Variants in PEBP4 observed in about 807,000 individuals in gnomAD.
The protein encoded by PEBP4 is phosphatidylethanolamine binding protein 4.
A neutral mutation model predicts 23.9 loss-of-function variants in PEBP4; 22 were observed. The ratio of observed to expected loss-of-function variants is 0.92; its 90% confidence interval spans 0.66 to 1.31. The LOEUF (loss-of-function observed/expected upper bound fraction) is 1.31, where lower values mean the gene tolerates loss of function less well. PEBP4 is among the 40% of genes most tolerant of loss of function. The probability of loss-of-function intolerance (pLI) is 0.00; values close to 1 mark genes in which losing one functional copy is unlikely to be tolerated. For missense variants in PEBP4, 324 were observed against 281.7 expected, an observed-to-expected ratio of 1.15 and a Z score of -1.07; for synonymous variants, 112 against 99.3, an observed-to-expected ratio of 1.13 and a Z score of -0.76.
intron 3 of PEBP4, among the ~76,000 whole-genome samples, chr8:22,910,516 C>A (rs984053591): frequency 2.6e-5 from 4 of 152,208 alleles, no homozygotes; most frequent in Non-Finnish European, 5.9e-5. Context: ...GGCAGTTCTC[C>A]ATCCACCTGG....
chr8:22,892,843 A>G (rs944657845), intron 3 of PEBP4, among the ~76,000 whole-genome samples: 20 of 152,192 alleles, frequency 1.3e-4, no homozygotes, highest in African/African-American at 4.8e-4. Flanking sequence ...TCTTACAATC[A>G]CCCCAACTTA....
At chr8:22,795,040 A>G (rs970201015) in intron 4 of PEBP4, among the ~76,000 whole-genome samples, 5 of 149,290 alleles carry the variant, frequency 3.3e-5, no homozygotes, top group Non-Finnish European at 5.9e-5. Flanking sequence ...ATATATCTTA[A>G]TCTGTTTCAG....
At chr8:22,890,328 C>T (rs779714666) in intron 3 of PEBP4, among the ~76,000 whole-genome samples, 2 of 152,162 alleles carry the variant, frequency 1.3e-5, no homozygotes, top group Non-Finnish European at 2.9e-5. Context: ...TACCAAGTGG[C>T]CAGGGAATGC....
chr8:22,845,975 G>C (rs564677996), intron 3 of PEBP4, among the ~76,000 whole-genome samples: 1 of 152,232 alleles, frequency 6.6e-6, no homozygotes, highest in Non-Finnish European at 1.5e-5. Context: ...GGTTGGGCCC[G>C]CCTAGGGGAT....
At chr8:22,844,558 C>T (rs994638015) in intron 3 of PEBP4, among the ~76,000 whole-genome samples, 1 of 152,200 alleles carries the variant, frequency 6.6e-6, no homozygotes, top group East Asian at 1.9e-4. Flanking sequence ...TTTCAAGTAT[C>T]TCAATAAGGG....
intron 4 of PEBP4, among the ~76,000 whole-genome samples, chr8:22,755,570 A>G (rs1290047062): frequency 2.6e-5 from 4 of 152,088 alleles, no homozygotes; most frequent in Admixed American, 1.3e-4. Flanking sequence ...TCCTGACCTC[A>G]AGTAATCCAT....
chr8:22,813,176 A>G (rs1806668561), intron 4 of PEBP4, among the ~76,000 whole-genome samples: 1 of 152,242 alleles, frequency 6.6e-6, no homozygotes, highest in African/African-American at 2.4e-5. Context: ...TAGACAAAAT[A>G]ATGACCCTTT....
At chr8:22,717,046 C>T in intron 6 of PEBP4, among the ~76,000 whole-genome samples, 1 of 152,216 alleles carries the variant, frequency 6.6e-6, no homozygotes, top group Non-Finnish European at 1.5e-5. Context: ...CCTAGTGACA[C>T]CCCTGGATTC....
At chr8:22,810,915 A>AGAGAGAGAGAGAGAGAGAG (rs58234891) in intron 4 of PEBP4, among the ~76,000 whole-genome samples, 1 of 148,458 alleles carries the variant, frequency 6.7e-6, no homozygotes, top group African/African-American at 2.5e-5. Flanking sequence ...AGAGAGAGAG[A>AGAGAGAGAGAGAGAGAGAG]AACCTCCTAG....
In PEBP4 at chr8:22,865,105, G is replaced by A. The variant is rs191231677; in HGVS notation, c.259-47370C>T. ...ACGCCGAGCCCTGGATGCGAGGTGG[G>A]GGTAGACAGAAGGGCTGGGGCGGCC... On this transcript the variant is annotated intron_variant, in intron 3 of 6. Transcript: ENST00000256404. This position sits in a 1 kb window ranked among gnomAD's most constrained non-coding sequence, Gnocchi z 6.9. 3.5e-3 allele frequency among the ~76,000 whole-genome samples: 539 copies of A among 152,282 alleles called. 3 individuals are homozygous for A. The highest frequency in any genetic ancestry group is 5.9e-3 in the Non-Finnish European group (401 of 67,994).
At chr8:22,851,250 G>A (rs1807543007) in intron 3 of PEBP4, among the ~76,000 whole-genome samples, 1 of 152,146 alleles carries the variant, frequency 6.6e-6, no homozygotes, top group South Asian at 2.1e-4. Flanking sequence ...AGACGGATGC[G>A]AAAGACCCGG....
chr8:22,842,436 G>A (rs1024075364), intron 3 of PEBP4, among the ~76,000 whole-genome samples: 1 of 152,154 alleles, frequency 6.6e-6, no homozygotes, highest in Non-Finnish European at 1.5e-5. Flanking sequence ...GCTCTTGTGG[G>A]GCTGAAGGAG....
intron 3 of PEBP4, among the ~76,000 whole-genome samples, chr8:22,855,970 G>GGAGGCT (rs1406374049): frequency 8.6e-5 from 13 of 150,330 alleles, no homozygotes; most frequent in Admixed American, 1.3e-4. Context: ...GTTGAGCCTA[G>GGAGGCT]GAGGCTGAGG....
chr8:22,815,268 C>T (rs780990893), intron 4 of PEBP4: 1 of 152,220 alleles, frequency 6.6e-6, no homozygotes, highest in Non-Finnish European at 1.5e-5. Context: ...TCAATCTGCT[C>T]AACCCCTCTG....
chr8:22,927,547 C>CT (rs1809369897), intron 2 of PEBP4, 37 bp downstream of exon 2: 1 of 1,592,858 alleles, frequency 6.3e-7, no homozygotes, highest in Non-Finnish European at 8.6e-7. Context: ...GCCTGGTAGC[C>CT]TCTGTGCCTC....
At chr8:22,767,521 G>T (rs878957156) in intron 4 of PEBP4, among the ~76,000 whole-genome samples, 1 of 152,206 alleles carries the variant, frequency 6.6e-6, no homozygotes, top group African/African-American at 2.4e-5. Context: ...TGATTCCTAC[G>T]ATAGAATACT....
At chr8:22,730,134 G>A (rs1297264831) in intron 4 of PEBP4, among the ~76,000 whole-genome samples, 1 of 152,136 alleles carries the variant, frequency 6.6e-6, no homozygotes, top group African/African-American at 2.4e-5. Flanking sequence ...CAGTTCTATG[G>A]GAGGCATCAT....
intron 4 of PEBP4, among the ~76,000 whole-genome samples, chr8:22,787,411 G>A (rs897283233): frequency 6.6e-5 from 10 of 151,986 alleles, no homozygotes; most frequent in African/African-American, 1.7e-4. Context: ...CCTTGAGAAC[G>A]TTCCTTCCAT....
intron 3 of PEBP4, among the ~76,000 whole-genome samples, chr8:22,843,348 G>T (rs994249054): frequency 6.6e-6 from 1 of 152,222 alleles, no homozygotes; most frequent in Non-Finnish European, 1.5e-5. Context: ...TAATAGTGGA[G>T]GGGCCAGAGA....
Sources: allele counts gnomAD v4.1 joint callset (sites outside exome capture counted in the v4.1 genomes callset), GRCh38; gene constraint gnomAD v4.1.1; non-coding constraint Gnocchi (gnomAD v3.1); transcripts MANE v1.5; gene names NCBI Gene and HGNC (gene_info 2026-07-23, HGNC 2026-07-21).